IL1RAPL2: variants seen among roughly 807,000 people sequenced by gnomAD.
IL1RAPL2 encodes interleukin 1 receptor accessory protein like 2.
A neutral mutation model predicts 44.1 loss-of-function variants in IL1RAPL2; 3 were observed. The ratio of observed to expected loss-of-function variants is 0.07; its 90% confidence interval spans 0.03 to 0.18. The LOEUF (loss-of-function observed/expected upper bound fraction) is 0.18, where lower values mean the gene tolerates loss of function less well. Ranked by LOEUF, IL1RAPL2 falls within the 10% of genes least tolerant of loss-of-function variation. IL1RAPL2 has a pLI of 1.00. For synonymous variants in IL1RAPL2, 181 were observed against 178.8 expected, an observed-to-expected ratio of 1.01 and a Z score of -0.10; for missense variants, 391 against 496.4, an observed-to-expected ratio of 0.79 and a Z score of 2.02.
chrX:104,913,225 C>A (rs1168956416), intron 2 of IL1RAPL2, among the ~76,000 whole-genome samples: 1 of 111,264 alleles, frequency 9.0e-6, no homozygotes, highest in Admixed American at 9.6e-5. Context: ...CCACAGGAGA[C>A]AGAGTTTTCT....
At chrX:104,918,532 A>T (rs1348375537) in intron 2 of IL1RAPL2, among the ~76,000 whole-genome samples, 1 of 112,179 alleles carries the variant, frequency 8.9e-6, no homozygotes, top group Non-Finnish European at 1.9e-5. Flanking sequence ...GGAGAGGTGC[A>T]GGGCAAAGGG....
At chrX:104,703,057 A>G (rs1931304405) in intron 2 of IL1RAPL2, among the ~76,000 whole-genome samples, 1 of 111,341 alleles carries the variant, frequency 9.0e-6, no homozygotes. Context: ...CCTGGTGATC[A>G]TAGTTCTCCT....
chrX:105,755,902 A>C (rs1211890815), intron 10 of IL1RAPL2, among the ~76,000 whole-genome samples: 2 of 111,887 alleles, frequency 1.8e-5, no homozygotes, highest in African/African-American at 3.2e-5. Flanking sequence ...GCTATTTTTA[A>C]GTTATGCTAC....
chrX:104,726,894 T>C (rs1385898164), intron 2 of IL1RAPL2, among the ~76,000 whole-genome samples: 1 of 110,086 alleles, frequency 9.1e-6, no homozygotes, highest in Non-Finnish European at 1.9e-5. Context: ...CTATTAGGGC[T>C]CTTTTTTGTC....
Position 104,634,666 on chromosome X carries a change from C to T in IL1RAPL2, c.-19-24229C>T, listed in dbSNP as rs191409970. Among the ~76,000 whole-genome samples the T allele has an allele frequency of 6.0e-3, 667 of 111,327 alleles. 2 individuals carry two copies. The highest frequency in any genetic ancestry group is 0.02 in the African/African-American group (608 of 30,570). Reference sequence around the variant, plus strand: ...GTTTTATCAGAGCCTGGGATTGCAACCCCTGCCTTTTTTTGTTTTCCATTT... The same window carrying T: ...GTTTTATCAGAGCCTGGGATTGCAATCCCTGCCTTTTTTTGTTTTCCATTT... On this transcript the variant is annotated intron_variant, in intron 1 of 10. Transcript: ENST00000372582.
intron 2 of IL1RAPL2, among the ~76,000 whole-genome samples, chrX:104,791,208 T>TCCCTCTCCCTCCTCTC (rs1932824550): frequency 1.0e-5 from 1 of 96,067 alleles, no homozygotes; most frequent in Non-Finnish European, 2.1e-5. Context: ...GCCCTTCCCT[T>TCCCTCTCCCTCCTCTC]CCCTCTCCCT....
chrX:104,621,452 C>T (rs1929399650), intron 1 of IL1RAPL2, among the ~76,000 whole-genome samples: 1 of 108,509 alleles, frequency 9.2e-6, no homozygotes, highest in South Asian at 4.1e-4. Context: ...GCAGCCTGCT[C>T]CCCTGAGAAA....
At chrX:105,138,275 A>G (rs1249907047) in intron 2 of IL1RAPL2, among the ~76,000 whole-genome samples, 1 of 110,903 alleles carries the variant, frequency 9.0e-6, no homozygotes, top group Non-Finnish European at 1.9e-5. Flanking sequence ...ATTTGAAAAT[A>G]TTATATTTGC....
At chrX:105,415,086 T>G (rs1190071970) in intron 5 of IL1RAPL2, among the ~76,000 whole-genome samples, 1 of 112,286 alleles carries the variant, frequency 8.9e-6, no homozygotes, top group East Asian at 2.8e-4. Context: ...TCCAGTCTCT[T>G]ATGTCTTTAA....
intron 2 of IL1RAPL2, among the ~76,000 whole-genome samples, chrX:105,060,397 A>G (rs1734918219): frequency 9.0e-6 from 1 of 111,676 alleles, no homozygotes; most frequent in Non-Finnish European, 1.9e-5. Context: ...GATATGATGT[A>G]TCTCATTAAT....
At chrX:105,084,439 A>G (rs2032453871) in intron 2 of IL1RAPL2, among the ~76,000 whole-genome samples, 1 of 112,894 alleles carries the variant, frequency 8.9e-6, no homozygotes, top group South Asian at 3.6e-4. Context: ...GATGTGATAC[A>G]TGGAGTCGAA....
intron 6 of IL1RAPL2, among the ~76,000 whole-genome samples, chrX:105,665,753 T>TTTTTTTTTTTTTTGTTG (rs2037759802): frequency 1.4e-5 from 1 of 69,313 alleles, no homozygotes; most frequent in Non-Finnish European, 2.8e-5. Flanking sequence ...TTTTTTTTTT[T>TTTTTTTTTTTTTTGTTG]TTGTTGTTGT....
At chrX:104,710,576 C>T (rs974043198) in intron 2 of IL1RAPL2, among the ~76,000 whole-genome samples, 6 of 111,219 alleles carry the variant, frequency 5.4e-5, no homozygotes, top group Non-Finnish European at 7.6e-5. Flanking sequence ...GCCTTGTGAA[C>T]GTACTGAATG....
intron 1 of IL1RAPL2, among the ~76,000 whole-genome samples, chrX:104,607,776 T>C (rs1426095529): frequency 8.9e-6 from 1 of 112,178 alleles, no homozygotes; most frequent in Non-Finnish European, 1.9e-5. Flanking sequence ...TTTACACTGT[T>C]GGTGGGAGTG....
chrX:105,316,313 G>C (rs978336258), intron 5 of IL1RAPL2, among the ~76,000 whole-genome samples: 1 of 111,008 alleles, frequency 9.0e-6, no homozygotes, highest in Non-Finnish European at 1.9e-5. Flanking sequence ...AAATATAGCT[G>C]GTGATGGGCC....
chrX:104,855,680 C>CTTTTTTTTTTTTTTTTTT (rs1304044009), intron 2 of IL1RAPL2, among the ~76,000 whole-genome samples: 4 of 53,776 alleles, frequency 7.4e-5, no homozygotes, highest in African/African-American at 2.5e-4. Context: ...GATCTGGATC[C>CTTTTTTTTTTTTTTTTTT]GTTTTTTTTT....
chrX:104,783,649 A>G (rs965084244), intron 2 of IL1RAPL2, among the ~76,000 whole-genome samples: 2 of 109,435 alleles, frequency 1.8e-5, no homozygotes, highest in Non-Finnish European at 3.8e-5. Flanking sequence ...TATTGCTCAA[A>G]TATTGTCAGC....
intron 3 of IL1RAPL2, chrX:105,218,907 G>T: frequency 9.2e-7 from 1 of 1,084,939 alleles, no homozygotes; most frequent in Non-Finnish European, 1.3e-6. Flanking sequence ...CCTGCCCTCT[G>T]AAAATTAATT....
chrX:105,429,461 A>G (rs1404395371), intron 5 of IL1RAPL2, among the ~76,000 whole-genome samples: 3 of 112,059 alleles, frequency 2.7e-5, no homozygotes, highest in Non-Finnish European at 5.7e-5. Context: ...TTCAGAATCA[A>G]CTGTCATGCT....
Sources: gnomAD v4.1 joint callset for allele counts (sites outside exome capture counted in the v4.1 genomes callset) on GRCh38, gnomAD v4.1.1 for gene constraint, MANE v1.5 for transcripts, NCBI Gene and HGNC (gene_info 2026-07-23, HGNC 2026-07-21) for gene names.